Variants in CCDC180 observed in about 807,000 individuals in gnomAD.
The protein encoded by CCDC180 is coiled-coil domain-containing protein 180.
Under a neutral mutation model 209.2 loss-of-function variants are expected in CCDC180, and 154 were observed. The ratio of observed to expected loss-of-function variants is 0.74; its 90% CI spans 0.65 to 0.84. CCDC180 has a LOEUF of 0.84. Among genes scored for constraint, CCDC180 ranks in the 40% least tolerant of loss-of-function variants. The probability of loss-of-function intolerance (pLI) is 0.00; values close to 1 mark genes in which losing one functional copy is unlikely to be tolerated. For missense variants in CCDC180, 1,874 were observed against 1,997.3 expected (o/e 0.94, Z 1.18); for synonymous variants, 778 against 749.1 (o/e 1.04, Z -0.63).
intron 18 of CCDC180, among the ~76,000 whole-genome samples, chr9:97,334,378 A>T (rs960536468): frequency 3.3e-5 from 5 of 152,208 alleles, no homozygotes; most frequent in South Asian, 2.1e-4. Context: ...ACTAATCTGT[A>T]AGGTTGATAC....
At chr9:97,345,351 A>G (rs7034449) in intron 19 of CCDC180, among the ~76,000 whole-genome samples, 37,980 of 152,064 alleles carry the variant, frequency 0.25, 5,092 homozygotes, top group East Asian at 0.39. Context: ...GAGAACTTCA[A>G]TCGCTCCACA....
intron 11 of CCDC180, 139 bp downstream of exon 11, chr9:97,320,344 G>A: frequency 2.6e-6 from 2 of 756,336 alleles, no homozygotes; most frequent in Non-Finnish European, 4.5e-6. Context: ...TGAGCTCTGA[G>A]GGCTCAAAAG....
At chr9:97,330,048 A>T in intron 16 of CCDC180, 106 bp from the exon 17 acceptor site, 1 of 986,872 alleles carries the variant, frequency 1.0e-6, no homozygotes, top group Non-Finnish European at 1.5e-6. Context: ...AGCCTTGGCA[A>T]CAGAGCCAGA....
At chr9:97,363,533 G>T in intron 28 of CCDC180, 1 of 513,378 alleles carries the variant, frequency 1.9e-6, no homozygotes, top group Non-Finnish European at 4.1e-6. Flanking sequence ...TGTCACTAGG[G>T]CTGCCAGATA....
At chr9:97,352,114 A>AAACAACAACAACAAC (rs3052473) in intron 22 of CCDC180, among the ~76,000 whole-genome samples, 10 of 150,530 alleles carry the variant, frequency 6.6e-5, no homozygotes, top group South Asian at 2.1e-4. Flanking sequence ...TTCCATCTCA[A>AAACAACAACAACAAC]AACAACAACA....
At chr9:97,357,304 C>T (rs1826611005) in intron 24 of CCDC180, among the ~76,000 whole-genome samples, 1 of 152,304 alleles carries the variant, frequency 6.6e-6, no homozygotes, top group East Asian at 1.9e-4. Context: ...GTGGAAGCCA[C>T]AGTCCTGGGT....
chr9:97,374,531 T>TG lies in CCDC180; in HGVS notation c.4601-12_4601-11insG. The TG allele has an allele frequency of 1.2e-6, 2 of 1,608,542 alleles. No homozygotes were observed. The highest frequency in any genetic ancestry group is 8.5e-7 in the Non-Finnish European group (1 of 1,175,566). On this transcript the variant is annotated splice_polypyrimidine_tract_variant and intron_variant, in intron 34 of 36. Coordinates refer to ENST00000529487, the MANE Select transcript of CCDC180 (RefSeq NM_020893.6). Reference sequence around the variant, plus strand: ...GTGAGGCTGCAGTCACTAGCCTGTCTTTTGCCTCTAGGGATGGAGCCCCCC... The same window carrying TG: ...GTGAGGCTGCAGTCACTAGCCTGTCTGTTTGCCTCTAGGGATGGAGCCCCCC...
chr9:97,330,546 T>C lies in CCDC180; in HGVS notation c.2053T>C (p.Ser685Pro). 1.2e-6 allele frequency: 2 copies of C among 1,613,880 alleles called. No individual in the cohort carries two copies. The highest frequency in any genetic ancestry group is 1.7e-6 in the Non-Finnish European group (2 of 1,179,990). The change falls in exon 18 of 37, where the codon TCC (serine) becomes CCC (proline). Residue 685 changes from serine to proline, a missense_variant. By Grantham distance (74) the Ser-to-Pro change is moderately conservative (BLOSUM62 -1). Coordinates refer to ENST00000529487, the MANE Select transcript of CCDC180 (RefSeq NM_020893.6). Reference protein sequence around the residue: ...KSPLHAKMDESKEGSIQGLEE... With the variant: ...KSPLHAKMDEPKEGSIQGLEE... ...TCCACTGCATGCTAAGATGGATGAG[T>C]CCAAAGAAGGCTCTATTCAGGGACT...
intron 25 of CCDC180, among the ~76,000 whole-genome samples, chr9:97,358,732 C>T (rs142314079): frequency 2.6e-5 from 4 of 152,266 alleles, no homozygotes; most frequent in Admixed American, 2.6e-4. Flanking sequence ...TCGCCCAGGC[C>T]ACACCAGGGA....
At chr9:97,357,923 C>T (rs1826629053) in intron 25 of CCDC180, 198 bp downstream of exon 25, 1 of 502,868 alleles carries the variant, frequency 2.0e-6, no homozygotes, top group Non-Finnish European at 3.5e-6. Context: ...AGCCACTGTT[C>T]ACCTCCAACC....
chr9:97,323,360 C>G (rs1234587372), intron 12 of CCDC180, among the ~76,000 whole-genome samples: 1 of 152,162 alleles, frequency 6.6e-6, no homozygotes, highest in Non-Finnish European at 1.5e-5. Flanking sequence ...ATAGATAGGC[C>G]TGGCCCCACT....
chr9:97,333,938 A>G (rs1825827296), intron 18 of CCDC180, among the ~76,000 whole-genome samples: 1 of 151,850 alleles, frequency 6.6e-6, no homozygotes, highest in African/African-American at 2.4e-5. Flanking sequence ...CTCCTGCCTC[A>G]GCCTCCCAAG....
Position 97,309,483 on chromosome 9 carries a change from G to A in CCDC180, c.139G>A (p.Gly47Ser). ...AAERSVTLKS[G>S]RIPMMKKVET... is the part of the protein sequence containing the mutation. The stretch of plus-strand genomic sequence containing the variant: ...AGAGCGTTCTGTGACCCTGAAGAGT[G>A]GCAGGATACCCATGATGAAGAAGGT... The change falls in exon 3 of 37, where the codon GGC becomes AGC. Residue 47 changes from glycine to serine, a missense_variant. Coordinates refer to ENST00000529487, the MANE Select transcript of CCDC180 (RefSeq NM_020893.6). 3 of 1,608,050 alleles carry A rather than the reference G, an allele frequency of 1.9e-6. No homozygotes were observed. The highest frequency in any genetic ancestry group is 2.5e-6 in the Non-Finnish European group (3 of 1,177,304).
At chr9:97,337,198 A>G (rs972922994) in intron 18 of CCDC180, among the ~76,000 whole-genome samples, 3 of 152,128 alleles carry the variant, frequency 2.0e-5, no homozygotes, top group African/African-American at 4.8e-5. Context: ...TTCCAACACT[A>G]TGTTGAATAG....
Position 97,378,192 on chromosome 9 carries a change from CAAAT to C in CCDC180, c.*1302_*1305del, listed in dbSNP as rs907046204. ...TGAGCAACAGAATGAGACTCTGTCT[CAAAT>C]AAACGAATAAATAAATAATAAAATC... On this transcript the variant is annotated 3_prime_UTR_variant, in exon 37 of 37. Transcript: ENST00000529487. 1 of 152,118 alleles carries C rather than the reference CAAAT, an allele frequency of 6.6e-6. No homozygotes were observed. Among genetic ancestry groups the C allele is most frequent in the Non-Finnish European group, 1.5e-5 (1 of 68,012 alleles). The allele number at this position is 152,118 out of a possible 1,614,324, so 9.4% of individuals were successfully genotyped here. A position where few individuals can be genotyped will look rare whatever the true frequency, so the allele number is the denominator to read the frequency against.
At position 97,330,389 on chromosome 9, in the gene CCDC180, C is replaced by T; in HGVS notation, c.1896C>T (p.Asp632=). 1.2e-6 allele frequency: 2 copies of T among 1,614,146 alleles called. No homozygotes were observed. The highest frequency in any genetic ancestry group is 1.7e-6 in the Non-Finnish European group (2 of 1,180,022). The change falls in exon 18 of 37, where the codon GAC becomes GAT. Residue 632 remains aspartate (D), a synonymous_variant. Transcript: ENST00000529487. The part of the protein sequence containing the change: ...KLRKKQGSKE[D]MTRSEESISS... ...GGAAGAAGCAAGGGTCTAAAGAGGA[C>T]ATGACCAGAAGTGAGGAAAGCATAA...
At chr9:97,323,365 C>G (rs1349683249) in intron 12 of CCDC180, among the ~76,000 whole-genome samples, 1 of 152,120 alleles carries the variant, frequency 6.6e-6, no homozygotes, top group African/African-American at 2.4e-5. Flanking sequence ...TAGGCCTGGC[C>G]CCACTTTCCC....
At chr9:97,362,492 C>A in intron 28 of CCDC180, 51 bp downstream of exon 28, 1 of 1,588,150 alleles carries the variant, frequency 6.3e-7, no homozygotes, top group Non-Finnish European at 8.6e-7. Flanking sequence ...TCCCCCCACA[C>A]AAAGGCAGGA....
intron 18 of CCDC180, among the ~76,000 whole-genome samples, chr9:97,332,462 T>A (rs1217994169): frequency 1.3e-5 from 2 of 152,224 alleles, no homozygotes; most frequent in East Asian, 3.8e-4. Context: ...CTTTGAGCAG[T>A]ATGGCCATTT....
Sources: gnomAD v4.1 joint callset for allele counts (sites outside exome capture counted in the v4.1 genomes callset) on GRCh38, gnomAD v4.1.1 for gene constraint, MANE v1.5 for transcripts, NCBI Gene and HGNC (gene_info 2026-07-23, HGNC 2026-07-21) for gene names.